NRXN3: variants seen among roughly 807,000 people sequenced by gnomAD.
NRXN3 encodes neurexin III.
NRXN3 carries 32 observed loss-of-function variants against 137.6 expected under a neutral mutation model. The ratio of observed to expected loss-of-function variants is 0.23; its 90% CI spans 0.18 to 0.31. The LOEUF is 0.31. Ranked by LOEUF, NRXN3 falls within the 10% of genes least tolerant of loss-of-function variation. The probability of loss-of-function intolerance (pLI) is 1.00; values close to 1 mark genes in which losing one functional copy is unlikely to be tolerated. For missense variants in NRXN3, 1,574 were observed against 2,062.5 expected (o/e 0.76, Z 4.59); for synonymous variants, 798 against 784.5 (o/e 1.02, Z -0.29).
rs1256643435 is a variant in NRXN3, at chr14:78,456,853, CTTTTTCTCTT to C, written c.757+158995_757+159004del. Among the ~76,000 whole-genome samples, 180 of 128,848 alleles carry C rather than the reference CTTTTTCTCTT, an allele frequency of 1.4e-3. 1 individual carries two copies. The highest frequency in any genetic ancestry group is 0.012 in the East Asian group (54 of 4,370). 84.5% of individuals were successfully genotyped at this position (128,848 alleles called of 152,430 possible). On this transcript the variant is annotated intron_variant, in intron 4 of 20. Coordinates refer to ENST00000335750, the MANE Select transcript of NRXN3 (RefSeq NM_001330195.2). ...TCTTTCTTTCTTTCTTTCTTTCTTT[CTTTTTCTCTT>C]TCTTTCTTTCTTTCTTTCCTTCTTT...
In NRXN3 at chr14:78,837,970, A is replaced by T. The variant is rs774209764; in HGVS notation, c.2275+27626A>T. On this transcript the variant is annotated intron_variant, in intron 10 of 20. Transcript: ENST00000335750. ...AGAATGCTAAACAGAGTTTTCACTG[A>T]GCCATATTAGATAACAAATTATTTT... 1.1e-4 allele frequency among the ~76,000 whole-genome samples: 17 copies of T among 152,196 alleles called. No individual in the cohort carries two copies. The East Asian group carries it at 1.2e-3, about 10-fold the overall frequency.
chr14:78,697,526 T>C (rs1290539188), intron 6 of NRXN3, among the ~76,000 whole-genome samples: 2 of 151,924 alleles, frequency 1.3e-5, no homozygotes, highest in Non-Finnish European at 2.9e-5. Flanking sequence ...TGAAATTCAT[T>C]TCAGGTTGAT....
At chr14:79,611,158 C>A (rs2098093823) in intron 16 of NRXN3, among the ~76,000 whole-genome samples, 1 of 152,094 alleles carries the variant, frequency 6.6e-6, no homozygotes, top group Non-Finnish European at 1.5e-5. Context: ...AGCAACAGAC[C>A]AGTCTAGACA....
chr14:79,296,068 C>T (rs1451285767), intron 15 of NRXN3, among the ~76,000 whole-genome samples: 2 of 152,160 alleles, frequency 1.3e-5, no homozygotes, highest in Admixed American at 6.5e-5. Flanking sequence ...AAACATGTAA[C>T]ATTGCATTGC....
rs138812981 is a variant in NRXN3, at chr14:79,113,459, C to T, written c.3262+125318C>T. ...GTGTCTTTAGTCTCTTAATCGGCCT[C>T]GACTTCTTTTCCTTGACCTTTAAAT... is the stretch of plus-strand genomic sequence containing the variant. On this transcript the variant is annotated intron_variant, in intron 15 of 20. Coordinates refer to ENST00000335750, the MANE Select transcript of NRXN3 (RefSeq NM_001330195.2). Among the ~76,000 whole-genome samples, 86 of 152,250 alleles carry T rather than the reference C, an allele frequency of 5.6e-4. 1 individual carries two copies. The East Asian group carries it at 0.014, about 25-fold the overall frequency.
At chr14:78,375,072 G>A (rs1350682980) in intron 4 of NRXN3, among the ~76,000 whole-genome samples, 1 of 152,174 alleles carries the variant, frequency 6.6e-6, no homozygotes, top group Non-Finnish European at 1.5e-5. Context: ...ATACCCTTAA[G>A]TAAAAATCAG....
chr14:78,838,066 C>T (rs2099001976), intron 10 of NRXN3, among the ~76,000 whole-genome samples: 1 of 152,010 alleles, frequency 6.6e-6, no homozygotes, highest in East Asian at 1.9e-4. Flanking sequence ...GAGTGATCAC[C>T]AAGGAGGATA....
rs1474269571 is a variant in NRXN3, at chr14:79,222,203, G to T, written c.3262+234062G>T. ...CAGGTAGTGTGATGCCCCCAGCTTT[G>T]TTCTTTTTGCTTGGGATTGTCTTGG... is the stretch of plus-strand genomic sequence containing the variant. On this transcript the variant is annotated intron_variant, in intron 15 of 20. Transcript: ENST00000335750. 2.0e-5 allele frequency among the ~76,000 whole-genome samples: 3 copies of T among 152,218 alleles called. No homozygotes were observed. The East Asian group carries it at 5.8e-4, about 29-fold the overall frequency.
intron 7 of NRXN3, among the ~76,000 whole-genome samples, chr14:78,710,211 G>A (rs1433839312): frequency 6.6e-6 from 1 of 152,182 alleles, no homozygotes; most frequent in Non-Finnish European, 1.5e-5. Context: ...CCTTCCTTTG[G>A]TGTAAAAGCC....
intron 10 of NRXN3, among the ~76,000 whole-genome samples, chr14:78,819,791 C>G (rs759365863): frequency 6.6e-6 from 1 of 152,154 alleles, no homozygotes; most frequent in Non-Finnish European, 1.5e-5. Context: ...TCAGAGAAAA[C>G]AGAATGTAAG....
chr14:78,610,120 G>A (rs1005602275), intron 4 of NRXN3, among the ~76,000 whole-genome samples: 1 of 151,988 alleles, frequency 6.6e-6, no homozygotes, highest in Non-Finnish European at 1.5e-5. Context: ...AAGGTGAAGA[G>A]TTTTGTCAAG....
chr14:78,667,417 C>T (rs2097896276), intron 6 of NRXN3, among the ~76,000 whole-genome samples: 1 of 152,150 alleles, frequency 6.6e-6, no homozygotes. Flanking sequence ...TTCAGTTGGT[C>T]CTTACAATAC....
chr14:79,342,804 G>A (rs964208176), intron 15 of NRXN3, among the ~76,000 whole-genome samples: 3 of 152,128 alleles, frequency 2.0e-5, no homozygotes, highest in African/African-American at 7.2e-5. Context: ...CTTGTCTGCT[G>A]CCTAGATAGA....
chr14:78,900,023 C>A (rs2099190377), intron 10 of NRXN3, among the ~76,000 whole-genome samples: 1 of 151,912 alleles, frequency 6.6e-6, no homozygotes, highest in African/African-American at 2.4e-5. Context: ...TTGGCATTTT[C>A]TATTTTCACT....
intron 20 of NRXN3, among the ~76,000 whole-genome samples, chr14:79,856,315 A>C (rs970111623): frequency 6.6e-6 from 1 of 152,152 alleles, no homozygotes; most frequent in African/African-American, 2.4e-5. Context: ...TATGATATTT[A>C]TGTGTTACAA....
At chr14:78,732,562 T>C (rs1595301404) in intron 8 of NRXN3, among the ~76,000 whole-genome samples, 1 of 152,190 alleles carries the variant, frequency 6.6e-6, no homozygotes, top group Non-Finnish European at 1.5e-5. Flanking sequence ...ATTTTCTGTT[T>C]GGTGGTTCTA....
chr14:78,717,323 A>G (rs1185085846), intron 8 of NRXN3, among the ~76,000 whole-genome samples: 6 of 152,220 alleles, frequency 3.9e-5, no homozygotes, highest in African/African-American at 1.2e-4. Flanking sequence ...CTGACTAGTC[A>G]TTAAAAGGCA....
At chr14:79,270,983 C>A (rs959055729) in intron 15 of NRXN3, among the ~76,000 whole-genome samples, 1 of 152,214 alleles carries the variant, frequency 6.6e-6, no homozygotes, top group Non-Finnish European at 1.5e-5. Context: ...GAACATTCAT[C>A]TTATTCTCCT....
At chr14:79,015,753 G>A (rs1567994586) in intron 15 of NRXN3, among the ~76,000 whole-genome samples, 1 of 152,208 alleles carries the variant, frequency 6.6e-6, no homozygotes, top group Non-Finnish European at 1.5e-5. Context: ...GTCTGGTGAT[G>A]TGGGCTGCTT....
Sources: allele counts gnomAD v4.1 joint callset (sites outside exome capture counted in the v4.1 genomes callset), GRCh38; gene constraint gnomAD v4.1.1; transcripts MANE v1.5; gene names NCBI Gene and HGNC (gene_info 2026-07-23, HGNC 2026-07-21).